The following SNAP25 variants were observed in gnomAD, a reference collection of about 807,000 sequenced individuals.
SNAP25 encodes the protein synaptosomal-associated protein 25.
Under a neutral mutation model 28.7 loss-of-function variants are expected in SNAP25, and 3 were observed. That is an observed-to-expected ratio of 0.10 (90% CI 0.05 to 0.27). The LOEUF (loss-of-function observed/expected upper bound fraction) is 0.27, where lower values mean the gene tolerates loss of function less well. Ranked by LOEUF, SNAP25 falls within the 10% of genes least tolerant of loss-of-function variation. The pLI is 1.00. For missense variants in SNAP25, 117 were observed against 278.7 expected (o/e 0.42, Z 4.13); for synonymous variants, 61 against 88.1 (o/e 0.69, Z 1.72).
At chr20:10,302,132 A>G (rs2064254607) in intron 7 of SNAP25, among the ~76,000 whole-genome samples, 1 of 152,116 alleles carries the variant, frequency 6.6e-6, no homozygotes, top group South Asian at 2.1e-4. Context: ...AGGCTGAGGC[A>G]GGAGAATTCC....
chr20:10,253,909 C>A (rs2063273732), intron 1 of SNAP25, among the ~76,000 whole-genome samples: 1 of 152,192 alleles, frequency 6.6e-6, no homozygotes, highest in African/African-American at 2.4e-5. Context: ...CCTAGCCAGA[C>A]CTTCCACCCT....
chr20:10,219,514 C>T (rs2062584763), intron 1 of SNAP25: 1 of 152,232 alleles, frequency 6.6e-6, no homozygotes, highest in African/African-American at 2.4e-5. Flanking sequence ...GCCGCCTGCT[C>T]CACGTCAACT....
In SNAP25 at chr20:10,244,937, G is replaced by C. The variant is rs1045827034; in HGVS notation, c.-64+25960G>C. On this transcript the variant is annotated intron_variant, in intron 1 of 7. Coordinates refer to ENST00000254976, the MANE Select transcript of SNAP25 (RefSeq NM_130811.4). ...GTAGAGACGGGGTTTCACCGTCTTG[G>C]TCAGGCTTGTCTCGAACTCCTGACC... is the stretch of plus-strand genomic sequence containing the variant. 3.3e-5 allele frequency among the ~76,000 whole-genome samples: 5 copies of C among 152,002 alleles called. 1 individual carries two copies. The South Asian group carries it at 1.0e-3, about 32-fold the overall frequency.
intron 4 of SNAP25, among the ~76,000 whole-genome samples, chr20:10,288,822 CTT>C (rs573863106): frequency 2.8e-4 from 39 of 141,424 alleles, no homozygotes; most frequent in African/African-American, 5.2e-4. Flanking sequence ...AACTTAGGAC[CTT>C]TTTTTTTTTT....
At chr20:10,228,100 G>A (rs3787303) in intron 1 of SNAP25, among the ~76,000 whole-genome samples, 109,325 of 151,994 alleles carry the variant, frequency 0.72, 41,714 homozygotes, top group Non-Finnish European at 0.84. Flanking sequence ...ACCTTCACCA[G>A]TTGAGCATTG....
intron 1 of SNAP25, among the ~76,000 whole-genome samples, chr20:10,224,608 T>C (rs945329424): frequency 2.0e-5 from 3 of 151,980 alleles, no homozygotes; most frequent in African/African-American, 2.4e-5. Context: ...CAGTAACTGA[T>C]CTGGACCCAA....
At chr20:10,274,693 A>G (rs1361320720) in intron 1 of SNAP25, among the ~76,000 whole-genome samples, 2 of 152,086 alleles carry the variant, frequency 1.3e-5, no homozygotes, top group Non-Finnish European at 2.9e-5. Context: ...AATACAAAAA[A>G]TTAGCCAGGT....
chr20:10,255,168 C>T (rs1348332278), intron 1 of SNAP25, among the ~76,000 whole-genome samples: 23 of 152,160 alleles, frequency 1.5e-4, no homozygotes, highest in Admixed American at 1.2e-3. Context: ...AGTGGGCCCA[C>T]GGATAAGAAT....
intron 3 of SNAP25, among the ~76,000 whole-genome samples, chr20:10,282,154 AGGAAGGAT>A (rs199665426): frequency 0.031 from 2,469 of 79,520 alleles, 97 homozygotes; most frequent in East Asian, 0.06. Context: ...GAGGGAAGGA[AGGAAGGAT>A]GGAAGGAAGG....
chr20:10,258,269 T>C (rs1281963457), intron 1 of SNAP25, among the ~76,000 whole-genome samples: 1 of 152,232 alleles, frequency 6.6e-6, no homozygotes, highest in Non-Finnish European at 1.5e-5. Context: ...GTAATCTTAT[T>C]CCAGTATTAT....
At chr20:10,235,307 T>C (rs2062899498) in intron 1 of SNAP25, among the ~76,000 whole-genome samples, 1 of 152,216 alleles carries the variant, frequency 6.6e-6, no homozygotes, top group African/African-American at 2.4e-5. Flanking sequence ...GAAGTACAAC[T>C]ATTAAAATAT....
intron 7 of SNAP25, among the ~76,000 whole-genome samples, chr20:10,305,534 C>T (rs59400098): frequency 0.057 from 8,723 of 152,026 alleles, 671 homozygotes; most frequent in African/African-American, 0.17. Context: ...AGAGCAAGAC[C>T]CTGTCTCAAA....
At chr20:10,259,347 G>T (rs1323143671) in intron 1 of SNAP25, among the ~76,000 whole-genome samples, 1 of 152,140 alleles carries the variant, frequency 6.6e-6, no homozygotes, top group Non-Finnish European at 1.5e-5. Context: ...TGTCTTTCTT[G>T]TTTCCACAGT....
At position 10,280,869 on chromosome 20, in the gene SNAP25, A is replaced by C. The variant is rs1489424151; in HGVS notation, c.114+3143A>C. ...CATGCAAAGAGAATAAGCATTCTAA[A>C]GTGGTGTATGCCAAACTTTCCCCTA... On this transcript the variant is annotated intron_variant, in intron 3 of 7. Transcript: ENST00000254976. 2.6e-5 allele frequency among the ~76,000 whole-genome samples: 4 copies of C among 151,914 alleles called. No individual in the cohort carries two copies. The East Asian group carries it at 7.7e-4, about 29-fold the overall frequency.
At chr20:10,277,503 T>C (rs1481378429) in intron 2 of SNAP25, among the ~76,000 whole-genome samples, 182 bp from the exon 3 acceptor site, 2 of 152,226 alleles carry the variant, frequency 1.3e-5, no homozygotes, top group African/African-American at 2.4e-5. Flanking sequence ...TCTGATCATG[T>C]AAAAAGCCTG....
chr20:10,272,404 C>T (rs1001069734), intron 1 of SNAP25, among the ~76,000 whole-genome samples: 3 of 152,172 alleles, frequency 2.0e-5, no homozygotes, highest in African/African-American at 7.2e-5. Context: ...TGCCTTTATC[C>T]ACCCACTCCA....
Position 10,277,533 on chromosome 20 carries a change from T to C in SNAP25, c.73-152T>C, listed in dbSNP as rs1290379875. 4 of 625,012 alleles carry C rather than the reference T, an allele frequency of 6.4e-6. No individual in the cohort carries two copies. The Admixed American group carries it at 8.6e-5, about 13-fold the overall frequency. The allele number at this position is 625,012 out of a possible 1,614,324, so 38.7% of individuals were successfully genotyped here. A position where few individuals can be genotyped will look rare whatever the true frequency, so the allele number is the denominator to read the frequency against. On this transcript the variant is annotated intron_variant, in intron 2 of 7. Coordinates refer to ENST00000254976, the MANE Select transcript of SNAP25 (RefSeq NM_130811.4). ...AGCCTGATAGGAAAGAGTTTGAAAA[T>C]GTAATGACATTTTTTGTTTCACTTG...
chr20:10,260,724 A>ACACACAAAC (rs1568597310), intron 1 of SNAP25, among the ~76,000 whole-genome samples: 1,239 of 78,296 alleles, frequency 0.016, 20 homozygotes, highest in African/African-American at 0.049. Flanking sequence ...CACACACACA[A>ACACACAAAC]ACACACACAC....
chr20:10,285,369 T>C (rs1386197832), intron 4 of SNAP25, among the ~76,000 whole-genome samples: 1 of 152,206 alleles, frequency 6.6e-6, no homozygotes, highest in Non-Finnish European at 1.5e-5. Flanking sequence ...AGAGCCAGCA[T>C]TTTAATATAG....
Sources: allele counts gnomAD v4.1 joint callset (sites outside exome capture counted in the v4.1 genomes callset), GRCh38; gene constraint gnomAD v4.1.1; transcripts MANE v1.5; gene names NCBI Gene and HGNC (gene_info 2026-07-23, HGNC 2026-07-21).